SYNE1: variants seen among roughly 807,000 people sequenced by gnomAD.
SYNE1 encodes nesprin-1.
Under a neutral mutation model 1,111.0 loss-of-function variants are expected in SYNE1, and 616 were observed. The ratio of observed to expected loss-of-function variants is 0.55; its 90% CI spans 0.52 to 0.59. The LOEUF (loss-of-function observed/expected upper bound fraction) is 0.59. SYNE1 is among the 20% of genes least tolerant of loss of function. The pLI is 0.00. For missense variants in SYNE1, 10,006 were observed against 10,417.0 expected (o/e 0.96, Z 1.72); for synonymous variants, 3,855 against 3,825.8 (o/e 1.01, Z -0.28).
intron 38 of SYNE1, among the ~76,000 whole-genome samples, chr6:152,426,558 G>A (rs563263): frequency 0.21 from 32,180 of 152,220 alleles, 3,614 homozygotes; most frequent in East Asian, 0.38. Context: ...GTGGAGATGG[G>A]CAGCAACAGT....
chr6:152,179,673 CTTTTTTTTTTTTTTTTTTTT>C (rs796260764), intron 129 of SYNE1, among the ~76,000 whole-genome samples: 1 of 55,070 alleles, frequency 1.8e-5, no homozygotes, highest in South Asian at 7.5e-4. Context: ...GCTGGATATC[CTTTTTTTTTTTTTTTTTTTT>C]TTTTTTTTTT....
At chr6:152,206,017 G>C in intron 126 of SYNE1, 151 bp downstream of exon 126, 2 of 916,610 alleles carry the variant, frequency 2.2e-6, no homozygotes, top group Non-Finnish European at 3.3e-6. Context: ...TGCAAGATAA[G>C]ACAAAGTCTT....
rs745497439 is a variant in SYNE1, at chr6:152,433,919, G to T, written c.4337C>A (p.Thr1446Asn). ...EDIKTMEMVK[T>N]KWDHFGSNFE... ...ATTACTGCCAAAATGATCCCACTTG[G>T]TTTTCACCATTTCCATGGTTTTAAT... is the stretch of plus-strand genomic sequence containing the variant. Residue 1446 changes from threonine to asparagine, a missense_variant, in exon 34 of 146, where the codon ACC (threonine) becomes AAC (asparagine). By Grantham distance (65) the Thr-to-Asn change is moderately conservative. Transcript: ENST00000367255. 1.2e-6 allele frequency: 2 copies of T among 1,613,410 alleles called. No homozygotes were observed. Among genetic ancestry groups the T allele is most frequent in the South Asian group, 2.2e-5 (2 of 91,042 alleles).
intron 3 of SYNE1, among the ~76,000 whole-genome samples, chr6:152,603,915 A>C (rs9397532): frequency 0.52 from 60,058 of 116,468 alleles, 13,306 homozygotes; most frequent in East Asian, 0.64. Flanking sequence ...TACTATCTAT[A>C]TATACATATA....
chr6:152,196,830 A>G (rs1309836952), intron 127 of SYNE1, among the ~76,000 whole-genome samples: 2 of 152,086 alleles, frequency 1.3e-5, no homozygotes, highest in East Asian at 3.9e-4. Flanking sequence ...CTCCAAGCCC[A>G]GTACTGCACT....
chr6:152,346,676 G>A (rs527251973), intron 73 of SYNE1, among the ~76,000 whole-genome samples: 8 of 152,074 alleles, frequency 5.3e-5, no homozygotes, highest in East Asian at 3.9e-4. Flanking sequence ...CAGGCGTGGT[G>A]GCGGGCGCCT....
intron 21 of SYNE1, among the ~76,000 whole-genome samples, chr6:152,459,796 A>G (rs901406440): frequency 1.3e-5 from 2 of 152,216 alleles, no homozygotes; most frequent in African/African-American, 4.8e-5. Flanking sequence ...TATAAAGACA[A>G]TAATGTTCTA....
chr6:152,553,767 G>T (rs924800731), intron 3 of SYNE1, among the ~76,000 whole-genome samples: 5 of 152,164 alleles, frequency 3.3e-5, no homozygotes, highest in African/African-American at 1.2e-4. Flanking sequence ...TCACAGGTCA[G>T]GATAACAGGG....
chr6:152,156,128 C>G, intron 131 of SYNE1, 31 bp from the exon 132 acceptor site: 1 of 1,613,034 alleles, frequency 6.2e-7, no homozygotes, highest in Non-Finnish European at 8.5e-7. Flanking sequence ...CTTTATTCAA[C>G]AATTACATGT....
chr6:152,157,696 A>C (rs1042168279), intron 131 of SYNE1, among the ~76,000 whole-genome samples: 1 of 151,936 alleles, frequency 6.6e-6, no homozygotes, highest in Non-Finnish European at 1.5e-5. Context: ...ATGTAGAAAG[A>C]CTATTTAAGG....
intron 142 of SYNE1, 185 bp downstream of exon 142, chr6:152,134,916 ATCT>A: frequency 1.5e-6 from 1 of 658,400 alleles, no homozygotes; most frequent in Non-Finnish European, 2.5e-6. Context: ...AGCAGATATC[ATCT>A]TCTATGCACA....
chr6:152,250,506 C>A (rs1189046094), intron 104 of SYNE1, among the ~76,000 whole-genome samples: 3 of 151,948 alleles, frequency 2.0e-5, no homozygotes, highest in Non-Finnish European at 4.4e-5. Flanking sequence ...AAATTCAGGT[C>A]TAAAAAGCAA....
intron 126 of SYNE1, 114 bp from the exon 127 acceptor site, chr6:152,202,063 A>AGCCATCAGTGTAACTT: frequency 7.3e-7 from 1 of 1,379,068 alleles, no homozygotes; most frequent in Non-Finnish European, 1.0e-6. Context: ...AGTTACACTG[A>AGCCATCAGTGTAACTT]TGGCTGAGTG....
At chr6:152,532,684 T>G (rs2099210064) in intron 4 of SYNE1, among the ~76,000 whole-genome samples, 1 of 152,184 alleles carries the variant, frequency 6.6e-6, no homozygotes, top group Admixed American at 6.5e-5. Context: ...GTGCATTCTG[T>G]GCACCCTTGA....
intron 3 of SYNE1, among the ~76,000 whole-genome samples, chr6:152,566,380 G>A (rs960029361): frequency 2.0e-5 from 3 of 151,622 alleles, no homozygotes; most frequent in Admixed American, 6.6e-5. Flanking sequence ...TTCTTTTCAG[G>A]AAGAAACAAT....
chr6:152,631,372 T>C (rs972157156), intron 2 of SYNE1, among the ~76,000 whole-genome samples: 1 of 151,994 alleles, frequency 6.6e-6, no homozygotes, highest in Non-Finnish European at 1.5e-5. Flanking sequence ...CAAGGTGACA[T>C]TGTGGAAAAG....
rs1455996482 is a variant in SYNE1 at position 152,127,292 on chromosome 6, C to G, written c.26153+3428G>C. On this transcript the variant is annotated intron_variant, in intron 145 of 145. Transcript: ENST00000367255. Reference sequence around the variant, plus strand: ...ATCCTACATCTTTACACCTCTAATCCCCAGTGTCCTTGTCTATAAATTGGG... The same window carrying G: ...ATCCTACATCTTTACACCTCTAATCGCCAGTGTCCTTGTCTATAAATTGGG... The G allele has an allele frequency of 2.0e-5, 3 of 152,068 alleles. No homozygotes were observed. The East Asian group carries it at 5.8e-4, about 29-fold the overall frequency. 9.4% of individuals were successfully genotyped at this position (152,068 alleles called of 1,614,324 possible). A position where few individuals can be genotyped will look rare whatever the true frequency, so the allele number is the denominator to read the frequency against.
At position 152,321,342 on chromosome 6, in the gene SYNE1, C is replaced by A. The variant is rs374220794; in HGVS notation, c.16132G>T (p.Ala5378Ser). ...AAGTACTTCTCCTTCTGTTCTTCTG[C>A]CATTTTTTCAATGTTCTGTCGGTGA... ...TNHRQNIEKM[A>S]EEQKEKYLGL... is the part of the protein sequence containing the mutation. Residue 5378 changes from alanine (A) to serine (S), a missense_variant, in exon 84 of 146, where the codon GCA becomes TCA. By Grantham distance (99) the Ala-to-Ser change is moderately conservative. Coordinates refer to ENST00000367255, the MANE Select transcript of SYNE1 (RefSeq NM_182961.4). The A allele has an allele frequency of 5.7e-5, 92 of 1,613,596 alleles. No individual in the cohort carries two copies. Among genetic ancestry groups the A allele is most frequent in the Non-Finnish European group, 7.4e-5 (87 of 1,179,882 alleles).
At chr6:152,328,393 T>TTTATTTAC (rs1309153599) in intron 78 of SYNE1, among the ~76,000 whole-genome samples, 2 of 134,370 alleles carry the variant, frequency 1.5e-5, no homozygotes, top group East Asian at 4.1e-4. Context: ...TATTTATTTA[T>TTTATTTAC]TTATTTATTT....
Sources: gnomAD v4.1 joint callset for allele counts (sites outside exome capture counted in the v4.1 genomes callset) on GRCh38, gnomAD v4.1.1 for gene constraint, MANE v1.5 for transcripts, NCBI Gene and HGNC (gene_info 2026-07-23, HGNC 2026-07-21) for gene names.